Variants in MPHOSPH6 observed in about 807,000 individuals in gnomAD.
MPHOSPH6 encodes the protein M-phase phosphoprotein 6.
MPHOSPH6 carries 25 observed loss-of-function variants against 21.8 expected under a neutral mutation model. The observed-to-expected ratio is 1.15, with a 90% CI of 0.83 to 1.60. MPHOSPH6 has a LOEUF of 1.60. Among genes scored for constraint, MPHOSPH6 ranks in the 40% most tolerant of loss-of-function variants. MPHOSPH6 has a pLI of 0.00. For missense variants in MPHOSPH6, 269 were observed against 181.8 expected (o/e 1.48, Z -2.76); for synonymous variants, 84 against 56.5 (o/e 1.49, Z -2.18).
intron 2 of MPHOSPH6, among the ~76,000 whole-genome samples, chr16:82,155,995 G>C (rs1224565200): frequency 2.0e-5 from 3 of 151,828 alleles, no homozygotes; most frequent in Non-Finnish European, 4.4e-5. Context: ...AAAAGTTAGA[G>C]GCAAACCATG....
At chr16:82,149,672 C>T (rs75981263) in intron 3 of MPHOSPH6, among the ~76,000 whole-genome samples, 2,394 of 152,302 alleles carry the variant, frequency 0.016, 67 homozygotes, top group African/African-American at 0.053. Flanking sequence ...ATTAGTTACT[C>T]ATATTTAAAG....
intron 2 of MPHOSPH6, among the ~76,000 whole-genome samples, chr16:82,156,999 C>T (rs1347140425): frequency 1.3e-5 from 2 of 151,922 alleles, no homozygotes; most frequent in Non-Finnish European, 2.9e-5. Flanking sequence ...TGCAGTGAGC[C>T]GCGGTTGCGC....
chr16:82,166,557 C>T (rs950939260), intron 1 of MPHOSPH6, among the ~76,000 whole-genome samples: 1 of 152,188 alleles, frequency 6.6e-6, no homozygotes, highest in Non-Finnish European at 1.5e-5. Context: ...GCTTTGGTGT[C>T]TCCCAGGACT....
At chr16:82,156,409 T>G (rs763662199) in intron 2 of MPHOSPH6, among the ~76,000 whole-genome samples, 1 of 151,986 alleles carries the variant, frequency 6.6e-6, no homozygotes, top group Non-Finnish European at 1.5e-5. Flanking sequence ...ATATGTGATA[T>G]AAAATATTTA....
At chr16:82,157,055 A>T (rs532265870) in intron 2 of MPHOSPH6, among the ~76,000 whole-genome samples, 3 of 152,298 alleles carry the variant, frequency 2.0e-5, no homozygotes, top group Non-Finnish European at 4.4e-5. Flanking sequence ...CATTTCAAAA[A>T]AAATAAATAA....
chr16:82,168,853 C>T (rs1906877268), intron 1 of MPHOSPH6, among the ~76,000 whole-genome samples: 1 of 152,216 alleles, frequency 6.6e-6, no homozygotes, highest in Non-Finnish European at 1.5e-5. Context: ...CAGTTTGCTA[C>T]TCTCTAGAAG....
chr16:82,170,135 A>G lies in MPHOSPH6; in HGVS notation c.41T>C (p.Leu14Pro). Residue 14 changes from leucine to proline, a missense_variant, in exon 1 of 5, where the codon CTG (leucine) becomes CCG (proline). Transcript: ENST00000258169. ...TCAGCGTCCCCGCACCTTCATGCGC[A>G]GTAGATTCTTGGACAACCTTGTCTT... ...ERKTRLSKNLLRMKFMQRGLD... is the reference protein window; with the variant it reads ...ERKTRLSKNLPRMKFMQRGLD... 6.3e-7 allele frequency: 1 copy of G among 1,593,604 alleles called. No homozygotes were observed. The highest frequency in any genetic ancestry group is 8.5e-7 in the Non-Finnish European group (1 of 1,170,182).
chr16:82,162,033 G>C (rs1162365443), intron 2 of MPHOSPH6, among the ~76,000 whole-genome samples: 1 of 152,226 alleles, frequency 6.6e-6, no homozygotes, highest in African/African-American at 2.4e-5. Flanking sequence ...AGGAATGGGT[G>C]TACTTCATAT....
intron 2 of MPHOSPH6, among the ~76,000 whole-genome samples, chr16:82,158,760 C>T (rs1043242880): frequency 6.6e-6 from 1 of 152,154 alleles, no homozygotes; most frequent in Non-Finnish European, 1.5e-5. Flanking sequence ...TTCCGAATAG[C>T]TTTTATCTGT....
At chr16:82,167,596 A>T (rs551309109) in intron 1 of MPHOSPH6, 2 of 160,588 alleles carry the variant, frequency 1.2e-5, no homozygotes, top group Non-Finnish European at 2.7e-5. Flanking sequence ...AGACAGTCCC[A>T]TCTGGGTGTG....
In MPHOSPH6 at chr16:82,170,175, TG is replaced by T. The variant is rs770522739; in HGVS notation, c.-1del. 1.3e-6 allele frequency: 2 copies of T among 1,589,606 alleles called. No individual in the cohort carries two copies. Among genetic ancestry groups the T allele is most frequent in the Non-Finnish European group, 1.7e-6 (2 of 1,168,862 alleles). ...AACCTTGTCTTTCGCTCGGCCGCCA[TG>T]GTAGCTTCCGCCCAGCGCCGCACTC... On this transcript the variant is annotated 5_prime_UTR_variant, in exon 1 of 5. Coordinates refer to ENST00000258169, the MANE Select transcript of MPHOSPH6 (RefSeq NM_005792.2).
intron 1 of MPHOSPH6, chr16:82,164,629 A>G (rs13335970): frequency 0.048 from 7,601 of 157,338 alleles, 617 homozygotes; most frequent in African/African-American, 0.17. Context: ...AAATGCTTCC[A>G]TGGCTCCCTC....
At chr16:82,161,444 C>T (rs574459613) in intron 2 of MPHOSPH6, among the ~76,000 whole-genome samples, 67 of 152,052 alleles carry the variant, frequency 4.4e-4, no homozygotes, top group Admixed American at 2.1e-3. Context: ...CAACTTGCTA[C>T]GGCAAAGGAG....
At chr16:82,162,105 G>A (rs1906625547) in intron 2 of MPHOSPH6, 1 of 152,216 alleles carries the variant, frequency 6.6e-6, no homozygotes, top group Non-Finnish European at 1.5e-5. Context: ...CTGGTGTTAT[G>A]GTGACTGTTT....
chr16:82,155,625 T>C (rs1223313216), intron 2 of MPHOSPH6, among the ~76,000 whole-genome samples: 2 of 152,176 alleles, frequency 1.3e-5, no homozygotes, highest in East Asian at 1.9e-4. Context: ...TAAATGTTAA[T>C]AGGTGCAGTG....
chr16:82,160,994 T>A (rs998599797), intron 2 of MPHOSPH6, among the ~76,000 whole-genome samples: 2 of 152,108 alleles, frequency 1.3e-5, no homozygotes, highest in African/African-American at 4.8e-5. Context: ...GAGAGAGGAA[T>A]CTGAACAAAA....
intron 3 of MPHOSPH6, among the ~76,000 whole-genome samples, chr16:82,149,962 C>CT (rs1906211188): frequency 6.6e-6 from 1 of 151,772 alleles, no homozygotes; most frequent in Non-Finnish European, 1.5e-5. Flanking sequence ...ACCACAGGGT[C>CT]TCTCCTCCAA....
chr16:82,168,318 G>C (rs1288523952), intron 1 of MPHOSPH6, among the ~76,000 whole-genome samples: 5 of 152,050 alleles, frequency 3.3e-5, no homozygotes, highest in African/African-American at 1.2e-4. Context: ...ACTCTGTTCA[G>C]TAAAGATTCA....
rs751008799 is a variant in MPHOSPH6 at position 82,149,488 on chromosome 16, C to G, written c.256-85G>C. ...TCAAACTTACCTGAAGGCAGAGAAA[C>G]TGAAGTCAAATAATCTAGAGAACTA... On this transcript the variant is annotated intron_variant, in intron 3 of 4. Coordinates refer to ENST00000258169, the MANE Select transcript of MPHOSPH6 (RefSeq NM_005792.2). 1.1e-5 allele frequency: 13 copies of G among 1,154,400 alleles called. No individual in the cohort carries two copies. The South Asian group carries it at 1.2e-4, about 11-fold the overall frequency. The allele number at this position is 1,154,400 out of a possible 1,614,324, so 71.5% of individuals were successfully genotyped here. A position where few individuals can be genotyped will look rare whatever the true frequency, so the allele number is the denominator to read the frequency against.
Sources: gnomAD v4.1 joint callset for allele counts (sites outside exome capture counted in the v4.1 genomes callset) on GRCh38, gnomAD v4.1.1 for gene constraint, MANE v1.5 for transcripts, NCBI Gene and HGNC (gene_info 2026-07-23, HGNC 2026-07-21) for gene names.